Variants in TPD52 observed in about 807,000 individuals in gnomAD.
TPD52 encodes tumor protein D52.
A neutral mutation model predicts 31.3 loss-of-function variants in TPD52; 17 were observed. That is an observed-to-expected ratio of 0.54 (90% confidence interval 0.37 to 0.82). TPD52 has a LOEUF of 0.82. Among genes scored for constraint, TPD52 ranks in the 40% least tolerant of loss-of-function variants. TPD52 has a pLI of 0.00. For missense variants in TPD52, 212 were observed against 240.1 expected, an observed-to-expected ratio of 0.88 and a Z score of 0.77; for synonymous variants, 83 against 89.6, an observed-to-expected ratio of 0.93 and a Z score of 0.42.
chr8:80,095,259 C>T (rs1013257333), intron 1 of TPD52, among the ~76,000 whole-genome samples: 1 of 152,028 alleles, frequency 6.6e-6, no homozygotes, highest in African/African-American at 2.4e-5. Context: ...TTGACAAAAG[C>T]CAATCTGAAA....
At position 80,164,013 on chromosome 8, in the gene TPD52, T is replaced by TGAGAGAGAGA. The variant is rs36124247; in HGVS notation, c.19+7402_19+7411dup. 1.8e-3 allele frequency among the ~76,000 whole-genome samples: 220 copies of TGAGAGAGAGA among 123,612 alleles called. 1 individual carries two copies. The highest frequency in any genetic ancestry group is 4.3e-3 in the Middle Eastern group (1 of 230). 81.1% of individuals were successfully genotyped at this position (123,612 alleles called of 152,430 possible). On this transcript the variant is annotated intron_variant, in intron 1 of 7. Transcript: ENST00000518937. Reference sequence around the variant, plus strand: ...AAAGAAACAGACCAAATTCTAACTGTGAGAGAGAGACAGAGAGAGAGAGAG... The same window carrying TGAGAGAGAGA: ...AAAGAAACAGACCAAATTCTAACTGTGAGAGAGAGAGAGAGAGAGACAGAGAGAGAGAGAG...
At chr8:80,040,879 C>CA (rs1173243524) in intron 7 of TPD52, among the ~76,000 whole-genome samples, 4 of 152,160 alleles carry the variant, frequency 2.6e-5, no homozygotes, top group Non-Finnish European at 4.4e-5. Flanking sequence ...TCATCAGATG[C>CA]ATATTGAGCA....
intron 5 of TPD52, 102 bp from the exon 6 acceptor site, chr8:80,044,310 C>A (rs10957954): frequency 1.1e-6 from 1 of 876,634 alleles, no homozygotes; most frequent in Non-Finnish European, 1.7e-6. Flanking sequence ...GCTTTATTCT[C>A]TTGGCGCCAT....
intron 1 of TPD52, among the ~76,000 whole-genome samples, chr8:80,090,025 TA>T: frequency 6.6e-6 from 1 of 152,024 alleles, no homozygotes; most frequent in South Asian, 2.1e-4. Flanking sequence ...AGAGTGATGG[TA>T]GATGTCAGAT....
At chr8:80,136,866 A>C (rs981081985) in intron 1 of TPD52, among the ~76,000 whole-genome samples, 1 of 152,222 alleles carries the variant, frequency 6.6e-6, no homozygotes, top group African/African-American at 2.4e-5. Context: ...AATCAAGAAC[A>C]ACCTCAGGCA....
intron 1 of TPD52, among the ~76,000 whole-genome samples, chr8:80,107,464 A>C (rs1807212519): frequency 6.6e-6 from 1 of 152,176 alleles, no homozygotes; most frequent in Non-Finnish European, 1.5e-5. Flanking sequence ...TGGCCTTGTA[A>C]TTATAGCAAC....
intron 1 of TPD52, among the ~76,000 whole-genome samples, chr8:80,147,201 GT>G (rs1810254597): frequency 6.6e-6 from 1 of 152,154 alleles, no homozygotes; most frequent in African/African-American, 2.4e-5. Context: ...ATACTCTTGT[GT>G]TCATGTATTG....
intron 1 of TPD52, among the ~76,000 whole-genome samples, chr8:80,164,757 G>A (rs953990229): frequency 6.3e-5 from 9 of 142,624 alleles, no homozygotes; most frequent in South Asian, 2.3e-4. Flanking sequence ...ATGCTGGCAC[G>A]CACCTGTAAT....
At chr8:80,134,932 C>G (rs191814376) in intron 1 of TPD52, among the ~76,000 whole-genome samples, 1 of 152,196 alleles carries the variant, frequency 6.6e-6, no homozygotes, top group East Asian at 1.9e-4. Context: ...CGATAGATAA[C>G]TAATGCCAAT....
At chr8:80,124,421 C>G (rs1808464587) in intron 1 of TPD52, among the ~76,000 whole-genome samples, 1 of 152,124 alleles carries the variant, frequency 6.6e-6, no homozygotes, top group African/African-American at 2.4e-5. Flanking sequence ...AGTCCACCCT[C>G]CTCGGCCTCC....
intron 1 of TPD52, among the ~76,000 whole-genome samples, chr8:80,164,033 A>AGAGAGT (rs1811546082): frequency 6.9e-6 from 1 of 145,622 alleles, no homozygotes; most frequent in African/African-American, 2.5e-5. Context: ...ACAGAGAGAG[A>AGAGAGT]GAGAGAGAGA....
chr8:80,082,750 C>A (rs1004123338), intron 1 of TPD52, among the ~76,000 whole-genome samples: 5 of 152,240 alleles, frequency 3.3e-5, no homozygotes, highest in African/African-American at 9.7e-5. Context: ...CTATCCAGGG[C>A]CTCTCCAGGG....
intron 1 of TPD52, among the ~76,000 whole-genome samples, chr8:80,068,849 G>T (rs1813445557): frequency 6.6e-6 from 1 of 152,190 alleles, no homozygotes; most frequent in Non-Finnish European, 1.5e-5. Flanking sequence ...TCTTTGAGAT[G>T]CACTGTACAA....
downstream of TPD52, among the ~76,000 whole-genome samples, chr8:80,031,502 T>C (rs973820629): frequency 3.3e-5 from 5 of 152,244 alleles, no homozygotes; most frequent in African/African-American, 1.2e-4. Flanking sequence ...ATAGTGCTAC[T>C]TCCACTTTTT....
chr8:80,126,420 C>T (rs1808602147), intron 1 of TPD52, among the ~76,000 whole-genome samples: 1 of 145,844 alleles, frequency 6.9e-6, no homozygotes, highest in Non-Finnish European at 1.5e-5. Flanking sequence ...AATTACGCAT[C>T]ATTTCTCTCT....
intron 1 of TPD52, among the ~76,000 whole-genome samples, chr8:80,084,425 A>G (rs1586264680): frequency 2.0e-5 from 3 of 152,132 alleles, no homozygotes; most frequent in Admixed American, 2.0e-4. Flanking sequence ...GAAGAAAGTG[A>G]CTCTCTCTGT....
chr8:80,171,311 AGGCTC>A, intron 1 of TPD52, 109 bp downstream of exon 1: 1 of 1,354,038 alleles, frequency 7.4e-7, no homozygotes, highest in Non-Finnish European at 1.0e-6. Context: ...CCGGCCCAGG[AGGCTC>A]GGCACCTGCT....
intron 1 of TPD52, among the ~76,000 whole-genome samples, chr8:80,076,491 TGGG>T (rs150460005): frequency 0.19 from 28,745 of 151,272 alleles, 2,929 homozygotes; most frequent in South Asian, 0.3. Context: ...CAAATGACAC[TGGG>T]GCCTACCAGA....
At chr8:80,117,470 T>C (rs1554589476) in intron 1 of TPD52, among the ~76,000 whole-genome samples, 2 of 152,190 alleles carry the variant, frequency 1.3e-5, no homozygotes, top group Non-Finnish European at 2.9e-5. Context: ...AGAAATTAAA[T>C]ACATTTAAAT....
Sources: allele counts gnomAD v4.1 joint callset (sites outside exome capture counted in the v4.1 genomes callset), GRCh38; gene constraint gnomAD v4.1.1; transcripts MANE v1.5; gene names NCBI Gene and HGNC (gene_info 2026-07-23, HGNC 2026-07-21).